ANKRD44: variants seen among roughly 807,000 people sequenced by gnomAD.
The protein encoded by ANKRD44 is serine/threonine-protein phosphatase 6 regulatory ankyrin repeat subunit B.
A neutral mutation model predicts 116.0 loss-of-function variants in ANKRD44; 35 were observed. The observed-to-expected ratio is 0.30, with a 90% CI of 0.23 to 0.40. ANKRD44 has a LOEUF of 0.40. Ranked by LOEUF, ANKRD44 falls within the 10% of genes least tolerant of loss-of-function variation. The pLI, the probability that ANKRD44 is intolerant of heterozygous loss-of-function variation, is 1.00. For missense variants in ANKRD44, 1,014 were observed against 1,242.6 expected (o/e 0.82, Z 2.77); for synonymous variants, 435 against 461.8 (o/e 0.94, Z 0.74).
intron 1 of ANKRD44, among the ~76,000 whole-genome samples, chr2:197,279,477 G>A (rs58135111): frequency 0.072 from 10,897 of 152,050 alleles, 1,006 homozygotes; most frequent in African/African-American, 0.22. Flanking sequence ...TCCTTAGCGG[G>A]TTTTCACAAA....
chr2:197,048,342 C>T (rs921414959), intron 16 of ANKRD44, among the ~76,000 whole-genome samples: 1 of 152,072 alleles, frequency 6.6e-6, no homozygotes, highest in African/African-American at 2.4e-5. Flanking sequence ...CTCCCCCTGC[C>T]CCCCACTCCC....
At chr2:197,022,189 G>A (rs534307261) in intron 17 of ANKRD44, among the ~76,000 whole-genome samples, 1 of 152,292 alleles carries the variant, frequency 6.6e-6, no homozygotes, top group South Asian at 2.1e-4. Context: ...GAGGCCCCTA[G>A]AGAGGGTGAT....
intron 1 of ANKRD44, among the ~76,000 whole-genome samples, chr2:197,285,515 G>C (rs1420050037): frequency 1.3e-5 from 2 of 152,152 alleles, no homozygotes; most frequent in African/African-American, 4.8e-5. Context: ...CTCTAATGGA[G>C]GAGTCACTCC....
At chr2:197,144,261 T>C (rs1025576863) in intron 3 of ANKRD44, among the ~76,000 whole-genome samples, 1 of 152,228 alleles carries the variant, frequency 6.6e-6, no homozygotes, top group Admixed American at 6.5e-5. Flanking sequence ...CACCATGCTC[T>C]GTAGGTTAAT....
At position 197,122,662 on chromosome 2, in the gene ANKRD44, G is replaced by C; in HGVS notation, c.681C>G (p.Asn227Lys). ...GQINVVKHLL[N>K]LGVEIDEINV... ...CATCATAGCTCACCTCCACCCCCAG[G>C]TTCAGGAGATGCTTGACAACATTAA... is the stretch of plus-strand genomic sequence containing the variant. Residue 227 changes from asparagine to lysine, a missense_variant, in exon 7 of 28, where the codon AAC (asparagine) becomes AAG (lysine). By Grantham distance (94) the Asn-to-Lys change is moderately conservative. Transcript: ENST00000282272. 6.2e-7 allele frequency: 1 copy of C among 1,613,940 alleles called. No individual in the cohort carries two copies. Among genetic ancestry groups the C allele is most frequent in the South Asian group, 1.1e-5 (1 of 91,050 alleles).
At chr2:196,998,125 T>C (rs1161446175) in intron 25 of ANKRD44, among the ~76,000 whole-genome samples, 1 of 152,184 alleles carries the variant, frequency 6.6e-6, no homozygotes, top group Non-Finnish European at 1.5e-5. Flanking sequence ...GTCCTCAGTA[T>C]TTGTGTTGAT....
At chr2:197,301,113 T>C (rs2083895478) in intron 1 of ANKRD44, 1 of 152,178 alleles carries the variant, frequency 6.6e-6, no homozygotes, top group Non-Finnish European at 1.5e-5. Context: ...TAAAATGAAA[T>C]GATGATAGCC....
chr2:197,053,322 G>C (rs1414999613), intron 16 of ANKRD44, among the ~76,000 whole-genome samples: 1 of 151,978 alleles, frequency 6.6e-6, no homozygotes, highest in Non-Finnish European at 1.5e-5. Flanking sequence ...GGATCATAGG[G>C]GATTTCTATT....
intron 1 of ANKRD44, among the ~76,000 whole-genome samples, chr2:197,240,374 CAA>C (rs5837533): frequency 2.1e-3 from 206 of 96,592 alleles, no homozygotes; most frequent in Non-Finnish European, 2.8e-3. Flanking sequence ...GGCTCCAGCT[CAA>C]AAAAAAAAAA....
At chr2:197,200,067 T>C (rs2081058936) in intron 1 of ANKRD44, among the ~76,000 whole-genome samples, 1 of 152,188 alleles carries the variant, frequency 6.6e-6, no homozygotes, top group Non-Finnish European at 1.5e-5. Context: ...AGTCCTTTCC[T>C]AAAAGACTGC....
intron 16 of ANKRD44, among the ~76,000 whole-genome samples, chr2:197,062,865 C>T (rs2077346333): frequency 6.6e-6 from 1 of 152,246 alleles, no homozygotes; most frequent in South Asian, 2.1e-4. Context: ...GGAGGCCTGC[C>T]TGCCTCTGTA....
In ANKRD44 at chr2:197,086,284, G is replaced by A. The variant is rs1036326314; in HGVS notation, c.1316+396C>T. Among the ~76,000 whole-genome samples the A allele has an allele frequency of 2.0e-5, 3 of 152,122 alleles. No homozygotes were observed. In the East Asian group the frequency reaches 5.8e-4, roughly 29 times the overall value. On this transcript the variant is annotated intron_variant, in intron 13 of 27. Coordinates refer to ENST00000282272, the MANE Select transcript of ANKRD44 (RefSeq NM_001195144.2). ...CATTGGTGGTGTGTGTGCACTTAATGTTTTAAACATGTCTGAAAATTCATC... is the reference window on the plus strand; with the variant it reads ...CATTGGTGGTGTGTGTGCACTTAATATTTTAAACATGTCTGAAAATTCATC...
intron 1 of ANKRD44, among the ~76,000 whole-genome samples, chr2:197,202,452 C>T (rs569485612): frequency 1.1e-4 from 16 of 152,030 alleles, no homozygotes; most frequent in Non-Finnish European, 1.9e-4. Context: ...TATAATCTCA[C>T]TCTGCCAGAA....
At chr2:197,164,662 G>T (rs2080062080) in intron 2 of ANKRD44, among the ~76,000 whole-genome samples, 1 of 152,038 alleles carries the variant, frequency 6.6e-6, no homozygotes, top group African/African-American at 2.4e-5. Flanking sequence ...GGCCCCTCCT[G>T]CCCCGGACGT....
At chr2:197,074,296 G>A (rs1426799238) in intron 16 of ANKRD44, among the ~76,000 whole-genome samples, 3 of 152,204 alleles carry the variant, frequency 2.0e-5, no homozygotes, top group African/African-American at 7.2e-5. Context: ...TCTCTTAGCA[G>A]GACCTCTGAG....
At chr2:197,113,910 G>C (rs533376320) in intron 8 of ANKRD44, among the ~76,000 whole-genome samples, 49 of 152,260 alleles carry the variant, frequency 3.2e-4, no homozygotes, top group Non-Finnish European at 3.4e-4. Context: ...AGGTAGATAA[G>C]GTGGGGAAAT....
At chr2:197,140,122 T>G (rs1482527236) in intron 3 of ANKRD44, among the ~76,000 whole-genome samples, 2 of 136,514 alleles carry the variant, frequency 1.5e-5, no homozygotes, top group East Asian at 1.9e-4. Context: ...CCTCAGGTGA[T>G]CTACCTGCCT....
chr2:197,027,373 A>G (rs980355164), intron 16 of ANKRD44, among the ~76,000 whole-genome samples: 1 of 152,142 alleles, frequency 6.6e-6, no homozygotes, highest in Admixed American at 6.5e-5. Context: ...AGAAAAAAAG[A>G]CATATTATCC....
Position 196,989,482 on chromosome 2 carries a change from G to T in ANKRD44, c.*109C>A. 1 of 1,331,814 alleles carries T rather than the reference G, an allele frequency of 7.5e-7. No individual in the cohort carries two copies. Among genetic ancestry groups the T allele is most frequent in the Non-Finnish European group, 9.7e-7 (1 of 1,036,008 alleles). 82.5% of individuals were successfully genotyped at this position (1,331,814 alleles called of 1,614,324 possible). A position where few individuals can be genotyped will look rare whatever the true frequency, so the allele number is the denominator to read the frequency against. ...TTCCATTTTAGACTGAAGCATTTTG[G>T]TCCTCATGTGTAGCTGGCTGATGAA... On this transcript the variant is annotated 3_prime_UTR_variant, in exon 28 of 28. Coordinates refer to ENST00000282272, the MANE Select transcript of ANKRD44 (RefSeq NM_001195144.2).
Sources: allele counts gnomAD v4.1 joint callset (sites outside exome capture counted in the v4.1 genomes callset), GRCh38; gene constraint gnomAD v4.1.1; transcripts MANE v1.5; gene names NCBI Gene and HGNC (gene_info 2026-07-23, HGNC 2026-07-21).